The following TAFA1 variants were observed in gnomAD, a reference collection of about 807,000 sequenced individuals.
The protein encoded by TAFA1 is chemokine-like protein TAFA-1.
A neutral mutation model predicts 18.5 loss-of-function variants in TAFA1; 4 were observed. The ratio of observed to expected loss-of-function variants is 0.22; its 90% CI spans 0.11 to 0.49. The LOEUF (loss-of-function observed/expected upper bound fraction) is 0.49, where lower values mean the gene tolerates loss of function less well. TAFA1 is among the 20% of genes least tolerant of loss of function. TAFA1 has a pLI of 0.98. For missense variants in TAFA1, 147 were observed against 169.0 expected, an observed-to-expected ratio of 0.87 and a Z score of 0.72; for synonymous variants, 56 against 55.2, an observed-to-expected ratio of 1.01 and a Z score of -0.06.
chr3:68,073,623 C>A (rs1035786228), intron 2 of TAFA1, among the ~76,000 whole-genome samples: 3 of 152,212 alleles, frequency 2.0e-5, no homozygotes, highest in African/African-American at 7.2e-5. Context: ...TGGGATTAAA[C>A]TGTTTCCATA....
intron 2 of TAFA1, among the ~76,000 whole-genome samples, chr3:68,061,030 C>T (rs2064595927): frequency 6.6e-6 from 1 of 152,174 alleles, no homozygotes; most frequent in Non-Finnish European, 1.5e-5. Context: ...TGCTGGCTCT[C>T]TCTGGATCTC....
chr3:68,532,936 A>C (rs1297202257), intron 3 of TAFA1, among the ~76,000 whole-genome samples: 1 of 151,308 alleles, frequency 6.6e-6, no homozygotes, highest in African/African-American at 2.4e-5. Context: ...GTCTCAATCA[A>C]TTTGGAGGTT....
At chr3:68,000,684 G>C (rs750292133), upstream of TAFA1, among the ~76,000 whole-genome samples, 2 of 152,142 alleles carry the variant, frequency 1.3e-5, no homozygotes, top group Non-Finnish European at 2.9e-5. Flanking sequence ...ATGCAGAGTC[G>C]GGGAGACACA....
intron 2 of TAFA1, among the ~76,000 whole-genome samples, chr3:68,342,975 G>T (rs1322146896): frequency 6.6e-6 from 1 of 152,148 alleles, no homozygotes; most frequent in Admixed American, 6.5e-5. Context: ...CTTATTCAAA[G>T]ATCAAATTTC....
intron 2 of TAFA1, among the ~76,000 whole-genome samples, chr3:68,390,233 C>T (rs1282957323): frequency 1.3e-5 from 2 of 152,250 alleles, no homozygotes; most frequent in East Asian, 3.9e-4. Flanking sequence ...TAAACAAAGC[C>T]TCTGGGAAGT....
intron 2 of TAFA1, among the ~76,000 whole-genome samples, chr3:68,387,320 T>A (rs530028863): frequency 6.6e-6 from 1 of 152,222 alleles, no homozygotes; most frequent in South Asian, 2.1e-4. Flanking sequence ...AGGGGGCTAT[T>A]TTAAGACACT....
intron 2 of TAFA1, among the ~76,000 whole-genome samples, chr3:68,113,077 T>C (rs906388294): frequency 7.2e-5 from 11 of 152,178 alleles, no homozygotes; most frequent in South Asian, 6.2e-4. Context: ...GATTCTAAAA[T>C]GTATATGGAA....
intron 2 of TAFA1, among the ~76,000 whole-genome samples, chr3:68,274,180 A>G (rs1272914265): frequency 6.6e-6 from 1 of 152,172 alleles, no homozygotes; most frequent in Non-Finnish European, 1.5e-5. Flanking sequence ...TGAATTTCCA[A>G]TTCCAAATTC....
intron 2 of TAFA1, among the ~76,000 whole-genome samples, chr3:68,218,287 C>G (rs180904108): frequency 5.3e-5 from 8 of 152,140 alleles, no homozygotes; most frequent in Non-Finnish European, 1.2e-4. Context: ...AAATGATGCT[C>G]TAAAGTCTCC....
intron 2 of TAFA1, among the ~76,000 whole-genome samples, chr3:68,147,208 T>G (rs1249090285): frequency 6.6e-6 from 1 of 151,998 alleles, no homozygotes; most frequent in African/African-American, 2.4e-5. Context: ...GAGCCATACC[T>G]CCTTAACCTG....
At position 68,019,542 on chromosome 3, in the gene TAFA1, A is replaced by G. The variant is rs113799600; in HGVS notation, c.118+12798A>G. ...TTTTTCATAAGATTGTTTGGCATTT[A>G]TCATGTTGAGACTTTATAAATTATC... On this transcript the variant is annotated intron_variant, in intron 2 of 4. Coordinates refer to ENST00000478136, the MANE Select transcript of TAFA1 (RefSeq NM_213609.4). Among the ~76,000 whole-genome samples, 245 of 152,322 alleles carry G rather than the reference A, an allele frequency of 1.6e-3. 2 individuals are homozygous for G. Among genetic ancestry groups the G allele is most frequent in the African/African-American group, 5.4e-3 (226 of 41,576 alleles).
intron 2 of TAFA1, among the ~76,000 whole-genome samples, chr3:68,281,050 C>A (rs2067889202): frequency 6.6e-6 from 1 of 151,892 alleles, no homozygotes; most frequent in Non-Finnish European, 1.5e-5. Flanking sequence ...ATTTCTTATT[C>A]CTATGGAATA....
rs1466944222 is a variant in TAFA1, at chr3:68,101,117, G to A, written c.118+94373G>A. On this transcript the variant is annotated intron_variant, in intron 2 of 4. Coordinates refer to ENST00000478136, the MANE Select transcript of TAFA1 (RefSeq NM_213609.4). Reference sequence around the variant, plus strand: ...GAATATTTCATCACCCAGGTATTGAGCCTAGTACCCATTAGTTATTTTTCC... The same window carrying A: ...GAATATTTCATCACCCAGGTATTGAACCTAGTACCCATTAGTTATTTTTCC... Among the ~76,000 whole-genome samples, 6 of 151,978 alleles carry A rather than the reference G, an allele frequency of 3.9e-5. No homozygotes were observed. The East Asian group carries it at 1.2e-3, about 29-fold the overall frequency.
intron 3 of TAFA1, among the ~76,000 whole-genome samples, chr3:68,467,041 G>T (rs547927255): frequency 8.6e-4 from 131 of 152,242 alleles, no homozygotes; most frequent in Non-Finnish European, 1.7e-3. Context: ...AAAGAATTCA[G>T]CGATATTTCT....
At chr3:68,385,441 T>G (rs952769) in intron 2 of TAFA1, among the ~76,000 whole-genome samples, 3,784 of 152,184 alleles carry the variant, frequency 0.025, 70 homozygotes, top group East Asian at 0.093. Flanking sequence ...AAGACCTAGA[T>G]TTGAATCCTT....
At chr3:68,229,851 A>C (rs900853952) in intron 2 of TAFA1, among the ~76,000 whole-genome samples, 2 of 152,174 alleles carry the variant, frequency 1.3e-5, no homozygotes, top group Non-Finnish European at 2.9e-5. Context: ...TAACGGAGAG[A>C]TATATAATGC....
chr3:68,499,304 T>C (rs1298223945), intron 3 of TAFA1, among the ~76,000 whole-genome samples: 6 of 151,864 alleles, frequency 4.0e-5, no homozygotes, highest in Non-Finnish European at 7.4e-5. Flanking sequence ...TGCATTCAAA[T>C]CATTCTTAAG....
chr3:68,024,435 A>G (rs1244177771), intron 2 of TAFA1, among the ~76,000 whole-genome samples: 1 of 152,162 alleles, frequency 6.6e-6, no homozygotes. Context: ...ACATTCTTGT[A>G]GTGCAGAGTG....
chr3:67,998,192 T>A, the TAFA1 span, among the ~76,000 whole-genome samples: 39 of 152,238 alleles, frequency 2.6e-4, no homozygotes, highest in Non-Finnish European at 4.7e-4. Context: ...AGGTTATAGA[T>A]GACTTTTAAA....
Sources: gnomAD v4.1 joint callset for allele counts (sites outside exome capture counted in the v4.1 genomes callset) on GRCh38, gnomAD v4.1.1 for gene constraint, MANE v1.5 for transcripts, NCBI Gene and HGNC (gene_info 2026-07-23, HGNC 2026-07-21) for gene names.